Variants in SLC5A2 observed in about 807,000 individuals in gnomAD.
The protein encoded by SLC5A2 is solute carrier family 5 member 2.
Under a neutral mutation model 69.0 loss-of-function variants are expected in SLC5A2, and 67 were observed. That is an observed-to-expected ratio of 0.97 (90% CI 0.80 to 1.19). SLC5A2 has a LOEUF of 1.19. Among genes scored for constraint, SLC5A2 ranks in the 50% most tolerant of loss-of-function variants. The pLI is 0.00. For synonymous variants in SLC5A2, 455 were observed against 395.8 expected (o/e 1.15, Z -1.78); for missense variants, 1,001 against 921.5 (o/e 1.09, Z -1.12).
Position 31,489,178 on chromosome 16 carries a change from C to T in SLC5A2, c.1505C>T (p.Pro502Leu), listed in dbSNP as rs200689340. The T allele has an allele frequency of 1.9e-5, 30 of 1,610,464 alleles. No homozygotes were observed. In the East Asian group the frequency reaches 6.7e-4, roughly 36 times the overall value. The change falls in exon 12 of 14, where the codon CCC becomes CTC. Residue 502 changes from proline to leucine, a missense_variant. Transcript: ENST00000330498. Reference sequence around the variant, plus strand: ...CTGATGGGCCTGGCACGCCTGATTCCCGAGTTCTCCTTCGGCTCGGGCAGC... The same window carrying T: ...CTGATGGGCCTGGCACGCCTGATTCTCGAGTTCTCCTTCGGCTCGGGCAGC... ...GLLMGLARLI[P>L]EFSFGSGSCV...
At position 31,488,967 on chromosome 16, in the gene SLC5A2, C is replaced by T; in HGVS notation, c.1368C>T (p.Ile456=). 1 of 1,602,450 alleles carries T rather than the reference C, an allele frequency of 6.2e-7. No homozygotes were observed. The highest frequency in any genetic ancestry group is 2.2e-5 in the East Asian group (1 of 44,862). The change falls in exon 11 of 14, where the codon ATC becomes ATT. Residue 456 remains isoleucine, a synonymous_variant. Coordinates refer to ENST00000330498, the MANE Select transcript of SLC5A2 (RefSeq NM_003041.4). Reference sequence around the variant, plus strand: ...AGGGCGGGCAGCTCTTCGATTACATCCAGGCAGTCTCTAGCTACCTGGCAC... The same window carrying T: ...AGGGCGGGCAGCTCTTCGATTACATTCAGGCAGTCTCTAGCTACCTGGCAC... ...AAQGGQLFDY[I]QAVSSYLAPP...
intron 12 of SLC5A2, 63 bp downstream of exon 12, chr16:31,489,401 A>G: frequency 1.4e-6 from 2 of 1,474,878 alleles, no homozygotes; most frequent in Non-Finnish European, 1.9e-6. Context: ...TGCTTCCTGG[A>G]GTGCCCAGCT....
In SLC5A2 at chr16:31,488,489, C is replaced by G. The variant is rs759752521; in HGVS notation, c.1128C>G (p.Asn376Lys). ...YPRLVVKLMP[N>K]GLRGLMLAVM... Reference sequence around the variant, plus strand: ...GGCTCGTCGTGAAGCTCATGCCCAACGGTAAGGGCAGCCCCGGGCCACAGG... The same window carrying G: ...GGCTCGTCGTGAAGCTCATGCCCAAGGGTAAGGGCAGCCCCGGGCCACAGG... The change falls in exon 9 of 14, where the codon AAC becomes AAG. Residue 376 changes from asparagine (N) to lysine (K), a missense_variant and splice_region_variant. Transcript: ENST00000330498. 6.2e-7 allele frequency: 1 copy of G among 1,607,448 alleles called. No individual in the cohort carries two copies. Among genetic ancestry groups the G allele is most frequent in the East Asian group, 2.2e-5 (1 of 44,640 alleles).
Position 31,484,733 on chromosome 16 carries a change from G to C in SLC5A2, c.187G>C (p.Val63Leu). The C allele has an allele frequency of 6.2e-7, 1 of 1,610,486 alleles. No homozygotes were observed. Among genetic ancestry groups the C allele is most frequent in the East Asian group, 2.2e-5 (1 of 44,884 alleles). The change falls in exon 2 of 14, where the codon GTG becomes CTG. Residue 63 changes from valine (V) to leucine (L), a missense_variant. Coordinates refer to ENST00000330498, the MANE Select transcript of SLC5A2 (RefSeq NM_003041.4). ...CTACTTCCTGGCAGGACGCAGCATG[G>C]TGTGGTGGCCGGTGAGACGGGCTGG... ...GGYFLAGRSM[V>L]WWPVGASLFA...
chr16:31,487,465 G>A, intron 6 of SLC5A2, 65 bp downstream of exon 6: 2 of 1,609,012 alleles, frequency 1.2e-6, no homozygotes, highest in South Asian at 1.1e-5. Flanking sequence ...GCCTGCGCGC[G>A]GGGCCGTTGC....
At chr16:31,488,263 C>G in intron 8 of SLC5A2, 90 bp downstream of exon 8, 2 of 1,605,616 alleles carry the variant, frequency 1.2e-6, no homozygotes, top group Non-Finnish European at 1.7e-6. Flanking sequence ...GCAGTTTGGG[C>G]CCGGAGTCCC....
At chr16:31,485,960 C>T in intron 4 of SLC5A2, 67 bp downstream of exon 4, 2 of 1,572,632 alleles carry the variant, frequency 1.3e-6, no homozygotes, top group Non-Finnish European at 1.7e-6. Flanking sequence ...CTCTAGAGAA[C>T]CCTAGAGGGC....
intron 3 of SLC5A2, 65 bp from the exon 4 acceptor site, chr16:31,485,664 C>T (rs767041236): frequency 3.1e-5 from 49 of 1,593,516 alleles, no homozygotes; most frequent in South Asian, 9.9e-5. Context: ...AGCACCTTCA[C>T]GAAGAGGTCA....
In SLC5A2 at chr16:31,488,942, A is replaced by T. The variant is rs959853124; in HGVS notation, c.1343A>T (p.Gln448Leu). Reference sequence around the variant, plus strand: ...TGGCTTCCCGTGGTGCAGGCGGCACAGGGCGGGCAGCTCTTCGATTACATC... The same window carrying T: ...TGGCTTCCCGTGGTGCAGGCGGCACTGGGCGGGCAGCTCTTCGATTACATC... ...VAWLPVVQAA[Q>L]GGQLFDYIQA... Residue 448 changes from glutamine (Q) to leucine (L), a missense_variant, in exon 11 of 14, where the codon CAG (glutamine) becomes CTG (leucine). Gln to Leu is a moderately radical substitution (Grantham distance 113, BLOSUM62 -2). Transcript: ENST00000330498. 1 of 1,603,970 alleles carries T rather than the reference A, an allele frequency of 6.2e-7. No individual in the cohort carries two copies. Among genetic ancestry groups the T allele is most frequent in the Middle Eastern group, 1.7e-4 (1 of 6,010 alleles).
At chr16:31,485,466 G>A (rs2082487659) in intron 3 of SLC5A2, 1 of 569,356 alleles carries the variant, frequency 1.8e-6, no homozygotes, top group Admixed American at 3.0e-5. Context: ...TTCATATCTA[G>A]ATGATCATAG....
rs200401537 is a variant in SLC5A2, at chr16:31,487,510, C to T, written c.656-20C>T. 630 of 1,613,438 alleles carry T rather than the reference C, an allele frequency of 3.9e-4. 2 individuals are homozygous for T. Among genetic ancestry groups the T allele is most frequent in the Non-Finnish European group, 3.0e-4 (350 of 1,179,756 alleles). On this transcript the variant is annotated intron_variant, in intron 6 of 13. Coordinates refer to ENST00000330498, the MANE Select transcript of SLC5A2 (RefSeq NM_003041.4). ...GTCTGAGGGTCCTAAGGAGGGTCCCCTGACGGCCTTGCCCGGCAGCCTTCC... is the reference window on the plus strand; with the variant it reads ...GTCTGAGGGTCCTAAGGAGGGTCCCTTGACGGCCTTGCCCGGCAGCCTTCC...
intron 5 of SLC5A2, among the ~76,000 whole-genome samples, chr16:31,486,876 C>T (rs927131264): frequency 1.3e-5 from 2 of 152,202 alleles, no homozygotes; most frequent in Non-Finnish European, 2.9e-5. Flanking sequence ...GAAACCCCGT[C>T]TCTACTAAAG....
intron 1 of SLC5A2, 146 bp downstream of exon 1, chr16:31,483,408 C>T (rs2082471293): frequency 9.4e-7 from 1 of 1,060,472 alleles, no homozygotes; most frequent in African/African-American, 1.6e-5. Context: ...TTTGGAAGTT[C>T]TCAGGGAGAC....
In SLC5A2 at chr16:31,488,893, T is replaced by C. The variant is rs1042475080; in HGVS notation, c.1294T>C (p.Phe432Leu). The C allele has an allele frequency of 6.2e-7, 1 of 1,605,448 alleles. No homozygotes were observed. The highest frequency in any genetic ancestry group is 8.5e-7 in the Non-Finnish European group (1 of 1,179,826). Residue 432 changes from phenylalanine to leucine, a missense_variant, in exon 11 of 14, where the codon TTC becomes CTC. Physicochemically the swap from Phe to Leu is conservative, Grantham distance 22. Coordinates refer to ENST00000330498, the MANE Select transcript of SLC5A2 (RefSeq NM_003041.4). The part of the protein sequence containing the change: ...LLLVGRLWVV[F>L]IVVVSVAWLP... ...CCTCCGCCGCAGGCTCTGGGTGGTG[T>C]TCATCGTGGTAGTGTCGGTGGCCTG...
chr16:31,488,009 A>T, intron 7 of SLC5A2, 29 bp from the exon 8 acceptor site: 2 of 1,610,172 alleles, frequency 1.2e-6, no homozygotes, highest in Middle Eastern at 3.6e-4. Flanking sequence ...GGAGGCCCGC[A>T]AGCGGGCAGC....
intron 6 of SLC5A2, 54 bp from the exon 7 acceptor site, chr16:31,487,476 G>T: frequency 1.9e-6 from 3 of 1,610,708 alleles, no homozygotes; most frequent in Non-Finnish European, 2.5e-6. Context: ...GGGCCGTTGC[G>T]CGTCTCCGGT....
In SLC5A2 at chr16:31,485,751, T is replaced by G; in HGVS notation, c.326T>G (p.Leu109Arg). The G allele has an allele frequency of 1.2e-6, 2 of 1,613,772 alleles. No homozygotes were observed. Among genetic ancestry groups the G allele is most frequent in the Non-Finnish European group, 1.7e-6 (2 of 1,180,032 alleles). Reference sequence around the variant, plus strand: ...TAGGCGCTCTTCGTGGTGCTGCTACTGGGCTGGCTGTTTGCACCCGTGTAC... The same window carrying G: ...TAGGCGCTCTTCGTGGTGCTGCTACGGGGCTGGCTGTTTGCACCCGTGTAC... Reference protein sequence around the residue: ...EWNALFVVLLLGWLFAPVYLT... With the variant: ...EWNALFVVLLRGWLFAPVYLT... Residue 109 changes from leucine (L) to arginine (R), a missense_variant, in exon 4 of 14, where the codon CTG (leucine) becomes CGG (arginine). Physicochemically the swap from Leu to Arg is moderately radical, Grantham distance 102 (BLOSUM62 -2). Coordinates refer to ENST00000330498, the MANE Select transcript of SLC5A2 (RefSeq NM_003041.4).
intron 4 of SLC5A2, 138 bp from the exon 5 acceptor site, chr16:31,486,032 G>A (rs1316323557): frequency 8.3e-6 from 10 of 1,201,564 alleles, no homozygotes; most frequent in Non-Finnish European, 1.1e-5. Flanking sequence ...TGCAATGAAT[G>A]TCTCCGGGGC....
Position 31,488,776 on chromosome 16 carries a change from C to A in SLC5A2, c.1280+4C>A. ...GCGAGCTGCTGCTGGTGGGACGGTG[C>A]GGCCTGGGCTCCCCTCCTCCCCAAC... On this transcript the variant is annotated splice_donor_region_variant and intron_variant, in intron 10 of 13. Coordinates refer to ENST00000330498, the MANE Select transcript of SLC5A2 (RefSeq NM_003041.4). 6.3e-7 allele frequency: 1 copy of A among 1,599,864 alleles called. No individual in the cohort carries two copies. Among genetic ancestry groups the A allele is most frequent in the Non-Finnish European group, 8.5e-7 (1 of 1,177,132 alleles).
Sources: gnomAD v4.1 joint callset for allele counts (sites outside exome capture counted in the v4.1 genomes callset) on GRCh38, gnomAD v4.1.1 for gene constraint, MANE v1.5 for transcripts, NCBI Gene and HGNC (gene_info 2026-07-23, HGNC 2026-07-21) for gene names.